The following ZNF536 variants were observed in gnomAD, a reference collection of about 807,000 sequenced individuals.
ZNF536 encodes the protein zinc finger protein 536.
A neutral mutation model predicts 84.5 loss-of-function variants in ZNF536; 13 were observed. The ratio of observed to expected loss-of-function variants is 0.15; its 90% CI spans 0.10 to 0.24. The LOEUF is 0.24. ZNF536 is among the 10% of genes least tolerant of loss of function. ZNF536 has a pLI of 1.00. For synonymous variants in ZNF536, 811 were observed against 742.5 expected, an observed-to-expected ratio of 1.09 and a Z score of -1.50; for missense variants, 1,536 against 1,747.5, an observed-to-expected ratio of 0.88 and a Z score of 2.16.
intron 1 of ZNF536, among the ~76,000 whole-genome samples, chr19:30,685,656 G>A (rs996289345): frequency 6.6e-6 from 1 of 152,126 alleles, no homozygotes; most frequent in African/African-American, 2.4e-5. Flanking sequence ...GCTTCAATAT[G>A]GGATTTGTAC....
chr19:30,473,218 GTAA>G (rs71333458), intron 2 of ZNF536, among the ~76,000 whole-genome samples: 15,463 of 150,654 alleles, frequency 0.1, 998 homozygotes, highest in South Asian at 0.19. Context: ...AATAATAATA[GTAA>G]TAATAATAAT....
intron 1 of ZNF536, among the ~76,000 whole-genome samples, chr19:30,280,459 A>G (rs1310184155): frequency 6.6e-6 from 1 of 152,042 alleles, no homozygotes; most frequent in Admixed American, 6.6e-5. Flanking sequence ...CTGGAAGGAG[A>G]GTCTGACACC....
rs1301809702 is a variant in ZNF536, at chr19:30,557,899, T to C, written c.*735T>C. 6.6e-6 allele frequency: 1 copy of C among 152,646 alleles called. No individual in the cohort carries two copies. 9.5% of individuals were successfully genotyped at this position (152,646 alleles called of 1,614,324 possible). A position where few individuals can be genotyped will look rare whatever the true frequency, so the allele number is the denominator to read the frequency against. ...GGTAATGAAGGCATGTAAGTTATAA[T>C]AATTGTAGCTTTCTGAATAAGTGTC... On this transcript the variant is annotated 3_prime_UTR_variant, in exon 5 of 5. Coordinates refer to ENST00000355537, the MANE Select transcript of ZNF536 (RefSeq NM_014717.3).
intron 3 of ZNF536, among the ~76,000 whole-genome samples, chr19:30,356,625 C>T (rs1055812053): frequency 1.3e-5 from 2 of 152,236 alleles, no homozygotes; most frequent in Non-Finnish European, 2.9e-5. Context: ...TCCCAGCAAA[C>T]TCCTTTGTAG....
At position 30,539,887 on chromosome 19, in the gene ZNF536, TG is replaced by T. The variant is rs545163358; in HGVS notation, c.2323+4892del. On this transcript the variant is annotated intron_variant, in intron 3 of 4. Coordinates refer to ENST00000355537, the MANE Select transcript of ZNF536 (RefSeq NM_014717.3). ...TCTCCCATGTGTGGGTTTTTCGGGA[TG>T]GGGTTGTTGTCTCAAGGAATGACCA... Among the ~76,000 whole-genome samples the T allele has an allele frequency of 7.9e-5, 12 of 152,246 alleles. 1 individual carries two copies. In the South Asian group the frequency reaches 2.5e-3, roughly 32 times the overall value.
At chr19:30,386,957 T>C (rs908560322) in intron 1 of ZNF536, among the ~76,000 whole-genome samples, 1 of 152,240 alleles carries the variant, frequency 6.6e-6, no homozygotes, top group Non-Finnish European at 1.5e-5. Context: ...AGTCACAGCC[T>C]ATCAGCAATT....
At chr19:30,662,105 A>T (rs2147592975) in intron 1 of ZNF536, among the ~76,000 whole-genome samples, 1 of 152,362 alleles carries the variant, frequency 6.6e-6, no homozygotes, top group African/African-American at 2.4e-5. Flanking sequence ...AGTCCCTCCG[A>T]TGCCATCTCC....
intron 1 of ZNF536, among the ~76,000 whole-genome samples, chr19:30,652,735 C>T (rs772177591): frequency 4.6e-5 from 7 of 152,176 alleles, no homozygotes; most frequent in African/African-American, 9.7e-5. Flanking sequence ...GGCTGATCTC[C>T]GAAGGGAATT....
chr19:30,393,129 A>G (rs1488057871), intron 1 of ZNF536, among the ~76,000 whole-genome samples: 4 of 152,146 alleles, frequency 2.6e-5, no homozygotes, highest in Non-Finnish European at 4.4e-5. Flanking sequence ...CCCCTGTATC[A>G]TTTATTCGTC....
At chr19:30,656,952 G>C (rs897044563) in intron 1 of ZNF536, among the ~76,000 whole-genome samples, 1 of 152,172 alleles carries the variant, frequency 6.6e-6, no homozygotes, top group Non-Finnish European at 1.5e-5. Flanking sequence ...CCTTCACAAA[G>C]CCTCCTCCCG....
At chr19:30,314,467 A>G (rs2046613258) in intron 2 of ZNF536, among the ~76,000 whole-genome samples, 1 of 152,098 alleles carries the variant, frequency 6.6e-6, no homozygotes, top group African/African-American at 2.4e-5. Flanking sequence ...TCCACTTATC[A>G]GGTCTCAGCT....
upstream of ZNF536, among the ~76,000 whole-genome samples, chr19:30,368,031 G>T (rs769790207): frequency 6.6e-6 from 1 of 152,124 alleles, no homozygotes; most frequent in Non-Finnish European, 1.5e-5. Context: ...CTTCATGCCT[G>T]GTCTCCCCAC....
At chr19:30,275,089 G>T (rs2026055332) in intron 1 of ZNF536, among the ~76,000 whole-genome samples, 1 of 152,158 alleles carries the variant, frequency 6.6e-6, no homozygotes, top group Non-Finnish European at 1.5e-5. Flanking sequence ...TGTGGATGGG[G>T]TGAGAGATCC....
chr19:30,326,800 T>TTTTTTTG (rs1568333908), intron 2 of ZNF536, among the ~76,000 whole-genome samples: 15 of 123,456 alleles, frequency 1.2e-4, no homozygotes, highest in East Asian at 2.3e-4. Flanking sequence ...GCTTTTTTTT[T>TTTTTTTG]TTTTTTTTTT....
chr19:30,691,258 C>A lies in ZNF536; in HGVS notation c.170-19499C>A, dbSNP rs186982499. Among the ~76,000 whole-genome samples, 11 of 152,238 alleles carry A rather than the reference C, an allele frequency of 7.2e-5. 1 individual carries two copies. The highest frequency in any genetic ancestry group is 4.2e-4 in the South Asian group (2 of 4,818). On this transcript the variant is annotated intron_variant, in intron 1 of 1. Coordinates refer to the ZNF536 transcript ENST00000592773. Reference sequence around the variant, plus strand: ...AGACCACCTCCGCTGGCCCACCCCCCACATGCACATGAAAAAAGGAGGCAG... The same window carrying A: ...AGACCACCTCCGCTGGCCCACCCCCAACATGCACATGAAAAAAGGAGGCAG...
intron 1 of ZNF536, among the ~76,000 whole-genome samples, chr19:30,414,246 T>C (rs1456767396): frequency 5.3e-5 from 8 of 152,178 alleles, no homozygotes; most frequent in African/African-American, 1.9e-4. Flanking sequence ...TCAACCTTTA[T>C]GTGAAACTGG....
At chr19:30,371,204 C>T (rs574392770), upstream of ZNF536, among the ~76,000 whole-genome samples, 3 of 152,272 alleles carry the variant, frequency 2.0e-5, no homozygotes, top group Non-Finnish European at 2.9e-5. Context: ...CAATCTGCCA[C>T]CTCTTTGTTT....
intron 2 of ZNF536, among the ~76,000 whole-genome samples, chr19:30,504,786 C>T (rs980032942): frequency 5.3e-5 from 8 of 151,974 alleles, no homozygotes; most frequent in Non-Finnish European, 8.8e-5. Flanking sequence ...CATGCCTACT[C>T]TCCCCATTTT....
chr19:30,592,579 C>T (rs1295409393), intron 1 of ZNF536, among the ~76,000 whole-genome samples: 1 of 152,100 alleles, frequency 6.6e-6, no homozygotes, highest in East Asian at 1.9e-4. Context: ...ATTGACTGAA[C>T]AAGACGTGGT....
Sources: allele counts gnomAD v4.1 joint callset (sites outside exome capture counted in the v4.1 genomes callset), GRCh38; gene constraint gnomAD v4.1.1; transcripts MANE v1.5; gene names NCBI Gene and HGNC (gene_info 2026-07-23, HGNC 2026-07-21).